Variants in ZNF571 observed in about 807,000 individuals in gnomAD.
ZNF571 encodes zinc finger protein 571.
ZNF571 carries 4 observed loss-of-function variants against 7.7 expected under a neutral mutation model. The ratio of observed to expected loss-of-function variants is 0.52; its 90% CI spans 0.25 to 1.18. The LOEUF (loss-of-function observed/expected upper bound fraction) is 1.18, where lower values mean the gene tolerates loss of function less well. Among genes scored for constraint, ZNF571 ranks in the 50% most tolerant of loss-of-function variants. ZNF571 has a pLI of 0.14. For synonymous variants in ZNF571, 251 were observed against 232.4 expected (o/e 1.08, Z -0.73); for missense variants, 704 against 726.9 (o/e 0.97, Z 0.36).
intron 3 of ZNF571, among the ~76,000 whole-genome samples, chr19:37,578,936 T>C (rs1600504307): frequency 6.6e-6 from 1 of 152,122 alleles, no homozygotes; most frequent in Middle Eastern, 3.2e-3. Flanking sequence ...AGTTCGGCAT[T>C]GTTTGGAAGG....
At chr19:37,579,329 C>T (rs894913802) in intron 3 of ZNF571, among the ~76,000 whole-genome samples, 52 of 152,322 alleles carry the variant, frequency 3.4e-4, no homozygotes, top group African/African-American at 1.1e-3. Context: ...CATTCCAACT[C>T]TGCTGGCGCC....
intron 3 of ZNF571, among the ~76,000 whole-genome samples, chr19:37,581,466 CTT>C (rs1226046583): frequency 1.8e-4 from 25 of 138,618 alleles, no homozygotes; most frequent in Non-Finnish European, 2.2e-4. Context: ...TTCTTTCTTT[CTT>C]TTTTTTTTTT....
chr19:37,593,630 A>G (rs1334193360), intron 1 of ZNF571, among the ~76,000 whole-genome samples: 1 of 152,134 alleles, frequency 6.6e-6, no homozygotes, highest in African/African-American at 2.4e-5. Context: ...GTGAACCCGG[A>G]AGGCGGAGCT....
intron 3 of ZNF571, 193 bp from the exon 4 acceptor site, chr19:37,566,484 G>A: frequency 1.7e-6 from 1 of 599,738 alleles, no homozygotes; most frequent in Non-Finnish European, 2.7e-6. Flanking sequence ...TAGGAAAGAA[G>A]GTAATTAGAA....
chr19:37,591,784 T>C (rs2043875532), intron 1 of ZNF571, among the ~76,000 whole-genome samples: 1 of 152,052 alleles, frequency 6.6e-6, no homozygotes, highest in African/African-American at 2.4e-5. Context: ...CCTCAGGTGA[T>C]TCGCCTGCCT....
chr19:37,574,264 C>T (rs552282912), intron 3 of ZNF571, among the ~76,000 whole-genome samples: 12 of 152,272 alleles, frequency 7.9e-5, no homozygotes, highest in Non-Finnish European at 1.8e-4. Flanking sequence ...CCCTTTAAAT[C>T]ATGCTTATTG....
chr19:37,576,573 CAT>C (rs1350899778), intron 3 of ZNF571, among the ~76,000 whole-genome samples: 1 of 152,140 alleles, frequency 6.6e-6, no homozygotes. Context: ...TGCTTGCAGT[CAT>C]ATGACTAACC....
Position 37,593,025 on chromosome 19 carries a change from T to C in ZNF571, c.-70+1716A>G, listed in dbSNP as rs111572899. 3.2e-3 allele frequency among the ~76,000 whole-genome samples: 484 copies of C among 152,240 alleles called. 2 individuals carry two copies. Among genetic ancestry groups the C allele is most frequent in the African/African-American group, 0.011 (465 of 41,524 alleles). On this transcript the variant is annotated intron_variant, in intron 1 of 3. Coordinates refer to ENST00000451802, the MANE Select transcript of ZNF571 (RefSeq NM_016536.5). ...TTGTAAAAATATGTCTTTGAAATAA[T>C]TGGGAAAATCTGAATATGGGGGTAT...
chr19:37,574,517 C>T (rs1268048776), intron 3 of ZNF571, among the ~76,000 whole-genome samples: 2 of 152,158 alleles, frequency 1.3e-5, no homozygotes, highest in African/African-American at 4.8e-5. Flanking sequence ...CTTTAACTAC[C>T]TTAAGTTTCA....
intron 2 of ZNF571, chr19:37,586,454 T>C (rs2043675942): frequency 1.7e-6 from 1 of 605,410 alleles, no homozygotes; most frequent in Non-Finnish European, 2.9e-6. Flanking sequence ...CAATGTAGAA[T>C]TATCTGCTGA....
intron 1 of ZNF571, 62 bp downstream of exon 1, chr19:37,594,679 C>T (rs2147221134): frequency 6.6e-6 from 1 of 152,434 alleles, no homozygotes; most frequent in East Asian, 1.9e-4. Flanking sequence ...CATACAAGAA[C>T]TACTTTTTCG....
intron 1 of ZNF571, chr19:37,594,059 A>G (rs2043945051): frequency 6.6e-6 from 1 of 152,260 alleles, no homozygotes; most frequent in East Asian, 1.9e-4. Flanking sequence ...CTCTCGGAGC[A>G]GACGAAACAA....
At chr19:37,589,132 G>A (rs575348197) in intron 1 of ZNF571, among the ~76,000 whole-genome samples, 10 of 150,852 alleles carry the variant, frequency 6.6e-5, no homozygotes, top group Admixed American at 2.0e-4. Flanking sequence ...CCCAGTAGGC[G>A]GAGGTTGCAG....
intron 1 of ZNF571, among the ~76,000 whole-genome samples, chr19:37,593,824 C>G (rs2043938630): frequency 6.6e-6 from 1 of 152,084 alleles, no homozygotes; most frequent in African/African-American, 2.4e-5. Context: ...ATCCCCGCAG[C>G]ATCATTTATG....
At chr19:37,572,126 C>T (rs2043081438) in intron 3 of ZNF571, among the ~76,000 whole-genome samples, 2 of 152,134 alleles carry the variant, frequency 1.3e-5, no homozygotes, top group African/African-American at 4.8e-5. Flanking sequence ...CATATTTATA[C>T]ATCTCCTACT....
intron 1 of ZNF571, 183 bp from the exon 2 acceptor site, chr19:37,586,928 T>C (rs1264864467): frequency 1.9e-6 from 1 of 528,310 alleles, no homozygotes; most frequent in Non-Finnish European, 3.3e-6. Flanking sequence ...ATGTCCATGT[T>C]GAACAGGACC....
At chr19:37,592,564 T>G (rs1179744805) in intron 1 of ZNF571, among the ~76,000 whole-genome samples, 1 of 152,072 alleles carries the variant, frequency 6.6e-6, no homozygotes, top group African/African-American at 2.4e-5. Context: ...AATGCATGCT[T>G]TAGGTGAAAA....
At position 37,569,587 on chromosome 19, in the gene ZNF571, AAAC is replaced by A. The variant is rs2042986491; in HGVS notation, c.137-3299_137-3297del. The stretch of plus-strand genomic sequence containing the variant: ...GTTATTTTATCTCCTGTTTTATTAA[AAAC>A]AACAAGTGCTGCTTATAACCTACTA... On this transcript the variant is annotated intron_variant, in intron 3 of 3. Transcript: ENST00000451802. The surrounding 1 kb of genome is among the most constrained non-coding windows in gnomAD (Gnocchi z 4.4). Among the ~76,000 whole-genome samples, 1 of 152,184 alleles carries A rather than the reference AAAC, an allele frequency of 6.6e-6. No individual in the cohort carries two copies. Among genetic ancestry groups the A allele is most frequent in the African/African-American group, 2.4e-5 (1 of 41,446 alleles).
In ZNF571 at chr19:37,569,894, G is replaced by A. The variant is rs2147161391; in HGVS notation, c.137-3603C>T. 1 of 152,248 alleles carries A rather than the reference G, an allele frequency of 6.6e-6. No homozygotes were observed. The highest frequency in any genetic ancestry group is 2.1e-4 in the South Asian group (1 of 4,820). 9.4% of individuals were successfully genotyped at this position (152,248 alleles called of 1,614,324 possible). Reference sequence around the variant, plus strand: ...GTACCATTGCACTTCCTGAGAAGCTGTCCCCAATCCCAGGCTCCTAGCAAT... The same window carrying A: ...GTACCATTGCACTTCCTGAGAAGCTATCCCCAATCCCAGGCTCCTAGCAAT... On this transcript the variant is annotated intron_variant, in intron 3 of 3. Transcript: ENST00000451802. This position sits in a 1 kb window ranked among gnomAD's most constrained non-coding sequence, Gnocchi z 4.4.
Sources: gnomAD v4.1 joint callset for allele counts (sites outside exome capture counted in the v4.1 genomes callset) on GRCh38, gnomAD v4.1.1 for gene constraint, Gnocchi (gnomAD v3.1) non-coding constraint, MANE v1.5 for transcripts, NCBI Gene and HGNC (gene_info 2026-07-23, HGNC 2026-07-21) for gene names.